Variants in C8orf34 observed in about 807,000 individuals in gnomAD.
C8orf34 encodes the protein uncharacterized protein C8orf34.
Under a neutral mutation model 68.3 loss-of-function variants are expected in C8orf34, and 65 were observed. The observed-to-expected ratio is 0.95, with a 90% CI of 0.78 to 1.17. The LOEUF (loss-of-function observed/expected upper bound fraction) is 1.17. C8orf34 is among the 50% of genes most tolerant of loss of function. The pLI is 0.00. For missense variants in C8orf34, 664 were observed against 655.4 expected (o/e 1.01, Z -0.14); for synonymous variants, 244 against 241.2 (o/e 1.01, Z -0.11).
intron 2 of C8orf34, 62 bp downstream of exon 2, chr8:68,439,708 C>A: frequency 1.4e-6 from 2 of 1,460,160 alleles, no homozygotes; most frequent in East Asian, 2.3e-5. Context: ...TTTCAAAACT[C>A]TTTTTGATAC....
chr8:68,421,079 G>C (rs1377339403), intron 1 of C8orf34, among the ~76,000 whole-genome samples: 1 of 151,864 alleles, frequency 6.6e-6, no homozygotes, highest in East Asian at 1.9e-4. Context: ...CCATAAGTAA[G>C]GAACTTAAAA....
intron 1 of C8orf34, among the ~76,000 whole-genome samples, chr8:68,333,359 A>G (rs1805714324): frequency 6.6e-6 from 1 of 152,212 alleles, no homozygotes; most frequent in Non-Finnish European, 1.5e-5. Context: ...ATACACTGGC[A>G]TTAGCTTAGA....
chr8:68,468,797 A>C lies in C8orf34; in HGVS notation c.713A>C (p.Lys238Thr). Reference protein sequence around the residue: ...HILQESKKLGKALENLSRSIA... With the variant: ...HILQESKKLGTALENLSRSIA... ...CTTCAGGAGAGCAAGAAGCTGGGGAAAGCCCTTGAGAATCTCTCTCGAAGT... is the reference window on the plus strand; with the variant it reads ...CTTCAGGAGAGCAAGAAGCTGGGGACAGCCCTTGAGAATCTCTCTCGAAGT... The change falls in exon 4 of 14, where the codon AAA (lysine) becomes ACA (threonine). Residue 238 changes from lysine (K) to threonine (T), a missense_variant. Lys to Thr is a moderately conservative substitution (Grantham distance 78). Transcript: ENST00000518698. 2 of 1,611,682 alleles carry C rather than the reference A, an allele frequency of 1.2e-6. No individual in the cohort carries two copies. Among genetic ancestry groups the C allele is most frequent in the Non-Finnish European group, 1.7e-6 (2 of 1,178,832 alleles).
intron 5 of C8orf34, among the ~76,000 whole-genome samples, chr8:68,518,578 A>C (rs962242619): frequency 2.6e-5 from 4 of 152,102 alleles, no homozygotes; most frequent in Non-Finnish European, 4.4e-5. Context: ...TTTTGTGAAC[A>C]TTCTGTTGTT....
chr8:68,690,482 C>T (rs946598736), intron 8 of C8orf34, among the ~76,000 whole-genome samples: 1 of 151,898 alleles, frequency 6.6e-6, no homozygotes. Context: ...GTTGGAGAGT[C>T]CAAAATCAAG....
intron 3 of C8orf34, among the ~76,000 whole-genome samples, chr8:68,467,068 G>T (rs2129629761): frequency 6.6e-6 from 1 of 151,082 alleles, no homozygotes. Flanking sequence ...TGTTGCTTCT[G>T]GTTCCTAAAT....
intron 6 of C8orf34, among the ~76,000 whole-genome samples, chr8:68,529,631 T>C (rs890802087): frequency 1.3e-5 from 2 of 152,172 alleles, no homozygotes; most frequent in Non-Finnish European, 2.9e-5. Context: ...ATATAGAGTT[T>C]ATGCAACAGA....
At chr8:68,392,653 T>TA (rs1808523016) in intron 1 of C8orf34, among the ~76,000 whole-genome samples, 1 of 152,054 alleles carries the variant, frequency 6.6e-6, no homozygotes, top group African/African-American at 2.4e-5. Flanking sequence ...CAAATATTAA[T>TA]AAAAGAATAT....
intron 6 of C8orf34, among the ~76,000 whole-genome samples, chr8:68,531,279 G>A (rs1460067676): frequency 6.6e-6 from 1 of 151,834 alleles, no homozygotes; most frequent in Non-Finnish European, 1.5e-5. Flanking sequence ...ATGGATTTTT[G>A]TATACTTGTT....
chr8:68,444,512 T>A (rs1391255431), intron 2 of C8orf34, among the ~76,000 whole-genome samples: 1 of 152,162 alleles, frequency 6.6e-6, no homozygotes, highest in African/African-American at 2.4e-5. Context: ...CAAACTTCAA[T>A]GAGGAATGTT....
At chr8:68,760,511 T>C (rs1055997152) in intron 10 of C8orf34, among the ~76,000 whole-genome samples, 1 of 152,194 alleles carries the variant, frequency 6.6e-6, no homozygotes, top group African/African-American at 2.4e-5. Context: ...TTCTGGAAGC[T>C]TGGAGGAGAC....
rs61736081 is a variant in C8orf34, at chr8:68,468,818, G to A, written c.734G>A (p.Arg245Gln). ...KLGKALENLS[R>Q]SIAISDELDK... Reference sequence around the variant, plus strand: ...GGGAAAGCCCTTGAGAATCTCTCTCGAAGTAAGTTCATTTACTTGATTATA... The same window carrying A: ...GGGAAAGCCCTTGAGAATCTCTCTCAAAGTAAGTTCATTTACTTGATTATA... Residue 245 changes from arginine to glutamine, a missense_variant and splice_region_variant, in exon 4 of 14, where the codon CGA (arginine) becomes CAA (glutamine). Transcript: ENST00000518698. 0.026 allele frequency: 41,045 copies of A among 1,608,108 alleles called. 659 individuals are homozygous for A. The highest frequency in any genetic ancestry group is 0.031 in the Non-Finnish European group (36,200 of 1,177,650).
chr8:68,420,264 T>C (rs2129623468), intron 1 of C8orf34, among the ~76,000 whole-genome samples: 1 of 151,770 alleles, frequency 6.6e-6, no homozygotes, highest in South Asian at 2.1e-4. Flanking sequence ...ACTGCCCTGC[T>C]CTTTGGACTG....
intron 5 of C8orf34, among the ~76,000 whole-genome samples, chr8:68,492,973 A>G (rs1337459244): frequency 6.6e-6 from 1 of 152,250 alleles, no homozygotes; most frequent in Non-Finnish European, 1.5e-5. Context: ...AAATTTAGTT[A>G]CCTTCTCTGT....
At chr8:68,550,783 T>C (rs200148667) in intron 7 of C8orf34, among the ~76,000 whole-genome samples, 14 of 151,680 alleles carry the variant, frequency 9.2e-5, no homozygotes, top group South Asian at 2.1e-4. Flanking sequence ...GTTTTTTTTT[T>C]CCCCCTCAGT....
intron 1 of C8orf34, among the ~76,000 whole-genome samples, chr8:68,380,150 CCACA>C (rs1212741249): frequency 2.6e-4 from 39 of 152,340 alleles, no homozygotes; most frequent in Middle Eastern, 3.4e-3. Context: ...GCGTGAGCCA[CCACA>C]CCCAGCCTTC....
At chr8:68,589,592 G>GGAAC (rs1817314385) in intron 7 of C8orf34, among the ~76,000 whole-genome samples, 1 of 134,414 alleles carries the variant, frequency 7.4e-6, no homozygotes, top group African/African-American at 2.9e-5. Context: ...GAAGGATGAA[G>GGAAC]GAAGGAAGGA....
Position 68,794,505 on chromosome 8 carries a change from A to ATTTTTTT in C8orf34, c.1549+6981_1549+6987dup, listed in dbSNP as rs57673879. 1.9e-4 allele frequency among the ~76,000 whole-genome samples: 12 copies of ATTTTTTT among 62,234 alleles called. 1 individual carries two copies. Among genetic ancestry groups the ATTTTTTT allele is most frequent in the African/African-American group, 1.3e-3 (11 of 8,212 alleles). 40.8% of individuals were successfully genotyped at this position (62,234 alleles called of 152,430 possible). On this transcript the variant is annotated intron_variant, in intron 12 of 13. Transcript: ENST00000518698. The stretch of plus-strand genomic sequence containing the variant: ...TAAATATATATATATATATATATAT[A>ATTTTTTT]TTTTTTTTTTTTTTTTTTAGACAGG...
chr8:68,564,760 G>A (rs116154499), intron 7 of C8orf34, among the ~76,000 whole-genome samples: 446 of 152,276 alleles, frequency 2.9e-3, no homozygotes, highest in African/African-American at 9.4e-3. Context: ...TGTCAATTTC[G>A]TGGATGCTAT....
Sources: allele counts gnomAD v4.1 joint callset (sites outside exome capture counted in the v4.1 genomes callset), GRCh38; gene constraint gnomAD v4.1.1; transcripts MANE v1.5; gene names NCBI Gene and HGNC (gene_info 2026-07-23, HGNC 2026-07-21).